RNLS: variants seen among roughly 807,000 people sequenced by gnomAD.
The protein encoded by RNLS is renalase, FAD dependent amine oxidase.
RNLS carries 39 observed loss-of-function variants against 39.8 expected under a neutral mutation model. That is an observed-to-expected ratio of 0.98 (90% CI 0.76 to 1.28). The LOEUF is 1.28. Ranked by LOEUF, RNLS falls within the 50% of genes most tolerant of loss-of-function variation. The probability of loss-of-function intolerance (pLI) is 0.00; values close to 1 mark genes in which losing one functional copy is unlikely to be tolerated. For missense variants in RNLS, 410 were observed against 413.3 expected (o/e 0.99, Z 0.07); for synonymous variants, 147 against 150.7 (o/e 0.98, Z 0.18).
chr10:88,475,721 T>G (rs527816736), intron 4 of RNLS, among the ~76,000 whole-genome samples: 108 of 152,076 alleles, frequency 7.1e-4, no homozygotes, highest in Admixed American at 1.4e-3. Context: ...TTTTGGGGGG[T>G]GGGACTTTGT....
At chr10:88,518,571 T>C (rs1846532547) in intron 4 of RNLS, among the ~76,000 whole-genome samples, 2 of 151,982 alleles carry the variant, frequency 1.3e-5, no homozygotes, top group East Asian at 1.9e-4. Flanking sequence ...TACTATGAAC[T>C]GCAAAAGCTT....
chr10:88,295,611 G>T (rs1225320493), intron 6 of RNLS, among the ~76,000 whole-genome samples: 8 of 152,052 alleles, frequency 5.3e-5, no homozygotes. Context: ...AATTACTATT[G>T]GTTGGAATAC....
chr10:88,377,912 C>T (rs1362311793), intron 4 of RNLS, among the ~76,000 whole-genome samples: 7 of 152,068 alleles, frequency 4.6e-5, no homozygotes, highest in African/African-American at 1.4e-4. Context: ...TTAAAACACA[C>T]ATTGCATAGC....
chr10:88,189,242 G>A, the RNLS span, among the ~76,000 whole-genome samples: 328 of 152,192 alleles, frequency 2.2e-3, 6 homozygotes, highest in Middle Eastern at 0.014. Flanking sequence ...TTTCAGATAT[G>A]ACTTTAAAAG....
chr10:88,257,997 A>T, the RNLS span, among the ~76,000 whole-genome samples: 2 of 152,252 alleles, frequency 1.3e-5, no homozygotes, highest in Non-Finnish European at 2.9e-5. Context: ...GCATAAACAC[A>T]CACCCTTTCC....
At chr10:88,261,603 C>A in the RNLS span, among the ~76,000 whole-genome samples, 1 of 152,030 alleles carries the variant, frequency 6.6e-6, no homozygotes. Flanking sequence ...TGTGGCCACC[C>A]CTAGCTTCAA....
At chr10:88,376,145 A>G (rs1019496316) in intron 4 of RNLS, among the ~76,000 whole-genome samples, 3 of 151,946 alleles carry the variant, frequency 2.0e-5, no homozygotes, top group Admixed American at 6.6e-5. Flanking sequence ...CAGGGAGGGG[A>G]TTCATGACAA....
At chr10:88,546,585 A>C (rs962612001) in intron 4 of RNLS, among the ~76,000 whole-genome samples, 1 of 152,168 alleles carries the variant, frequency 6.6e-6, no homozygotes, top group African/African-American at 2.4e-5. Context: ...AACAATGAAT[A>C]AGCCAATGAA....
intron 5 of RNLS, among the ~76,000 whole-genome samples, chr10:88,348,730 G>A (rs1848480701): frequency 1.3e-5 from 2 of 152,090 alleles, no homozygotes; most frequent in South Asian, 4.1e-4. Context: ...ATTTATTCAT[G>A]GATTTAAATG....
intron 4 of RNLS, among the ~76,000 whole-genome samples, chr10:88,391,077 T>G (rs1852168950): frequency 6.6e-6 from 1 of 152,226 alleles, no homozygotes; most frequent in Non-Finnish European, 1.5e-5. Flanking sequence ...ATGGCACATA[T>G]GACATTTGAA....
intron 4 of RNLS, among the ~76,000 whole-genome samples, chr10:88,551,684 A>C (rs886717248): frequency 8.5e-5 from 12 of 141,232 alleles, no homozygotes; most frequent in Non-Finnish European, 1.7e-4. Flanking sequence ...GACTGGTTGC[A>C]AAAAAAAAAA....
At chr10:88,429,798 T>C (rs1855028822) in intron 4 of RNLS, among the ~76,000 whole-genome samples, 1 of 151,892 alleles carries the variant, frequency 6.6e-6, no homozygotes, top group African/African-American at 2.4e-5. Flanking sequence ...GAAAAGACTG[T>C]CATTTCTCCA....
the RNLS span, among the ~76,000 whole-genome samples, chr10:88,192,458 G>T: frequency 6.6e-6 from 1 of 152,230 alleles, no homozygotes; most frequent in Non-Finnish European, 1.5e-5. Context: ...GTTGATCAAA[G>T]TCAGACACAT....
At chr10:88,392,611 C>T (rs988341035) in intron 4 of RNLS, among the ~76,000 whole-genome samples, 1 of 152,158 alleles carries the variant, frequency 6.6e-6, no homozygotes, top group Non-Finnish European at 1.5e-5. Context: ...AAAGAAATCA[C>T]ATATTAAATA....
chr10:88,572,915 C>T lies in RNLS; in HGVS notation c.514G>A (p.Asp172Asn), dbSNP rs1849928988. The T allele has an allele frequency of 2.5e-6, 4 of 1,613,640 alleles. No individual in the cohort carries two copies. Among genetic ancestry groups the T allele is most frequent in the Non-Finnish European group, 3.4e-6 (4 of 1,179,712 alleles). ...PVPEILQLQGDITTLISECQR... is the reference protein window; with the variant it reads ...PVPEILQLQGNITTLISECQR... Reference sequence around the variant, plus strand: ...AAAGCAGACTCACAGGTGGTGATGTCACCTTGAAGCTGCAGAATCTCAGGA... The same window carrying T: ...AAAGCAGACTCACAGGTGGTGATGTTACCTTGAAGCTGCAGAATCTCAGGA... Residue 172 changes from aspartate (D) to asparagine (N), a missense_variant, in exon 4 of 7, where the codon GAC becomes AAC. By Grantham distance (23) the Asp-to-Asn change is conservative. Coordinates refer to ENST00000331772, the MANE Select transcript of RNLS (RefSeq NM_001031709.3).
At chr10:88,217,395 C>G in the RNLS span, among the ~76,000 whole-genome samples, 1 of 151,988 alleles carries the variant, frequency 6.6e-6, no homozygotes, top group Admixed American at 6.6e-5. Flanking sequence ...TTTGTTTTAC[C>G]ATTTTTAATT....
At chr10:88,257,890 G>A in the RNLS span, among the ~76,000 whole-genome samples, 7 of 152,072 alleles carry the variant, frequency 4.6e-5, no homozygotes, top group Admixed American at 1.3e-4. Context: ...AAGGGGAAGC[G>A]CATTAACATT....
intron 6 of RNLS, among the ~76,000 whole-genome samples, chr10:88,289,306 T>C (rs1843507908): frequency 6.6e-6 from 1 of 152,150 alleles, no homozygotes; most frequent in Non-Finnish European, 1.5e-5. Context: ...TCTCTCACCT[T>C]TGTCACCCTT....
At chr10:88,452,176 C>T (rs1049956074) in intron 4 of RNLS, among the ~76,000 whole-genome samples, 1 of 152,164 alleles carries the variant, frequency 6.6e-6, no homozygotes, top group Non-Finnish European at 1.5e-5. Context: ...AAGTAGAGAA[C>T]TCTTTTGAGA....
Sources: gnomAD v4.1 joint callset for allele counts (sites outside exome capture counted in the v4.1 genomes callset) on GRCh38, gnomAD v4.1.1 for gene constraint, MANE v1.5 for transcripts, NCBI Gene and HGNC (gene_info 2026-07-23, HGNC 2026-07-21) for gene names.